BPIFB1: variants seen among roughly 807,000 people sequenced by gnomAD.
BPIFB1 encodes BPI fold-containing family B member 1.
Under a neutral mutation model 55.1 loss-of-function variants are expected in BPIFB1, and 34 were observed. The ratio of observed to expected loss-of-function variants is 0.62; its 90% CI spans 0.47 to 0.82. BPIFB1 has a LOEUF of 0.82. BPIFB1 is among the 40% of genes least tolerant of loss of function. The pLI is 0.00. For missense variants in BPIFB1, 532 were observed against 593.1 expected (o/e 0.90, Z 1.07); for synonymous variants, 236 against 245.3 (o/e 0.96, Z 0.35).
chr20:33,285,541 G>A (rs1030636757), intron 1 of BPIFB1, among the ~76,000 whole-genome samples: 8 of 150,856 alleles, frequency 5.3e-5, no homozygotes, highest in Non-Finnish European at 1.2e-4. Flanking sequence ...GTGAAACCCC[G>A]TCTCTACTAA....
At chr20:33,308,920 G>A (rs539648122) in intron 15 of BPIFB1, among the ~76,000 whole-genome samples, 25 of 145,632 alleles carry the variant, frequency 1.7e-4, no homozygotes, top group South Asian at 1.1e-3. Flanking sequence ...ACACAGAGAC[G>A]CACACATACA....
At chr20:33,301,630 T>A (rs1980855766) in intron 9 of BPIFB1, among the ~76,000 whole-genome samples, 1 of 152,226 alleles carries the variant, frequency 6.6e-6, no homozygotes, top group Non-Finnish European at 1.5e-5. Context: ...TGGAATCTGA[T>A]GCAAATGTTT....
intron 2 of BPIFB1, among the ~76,000 whole-genome samples, chr20:33,286,534 C>A (rs1310753673): frequency 6.6e-6 from 1 of 152,210 alleles, no homozygotes; most frequent in African/African-American, 2.4e-5. Flanking sequence ...ACCCAGTGTG[C>A]TCCTCCTCCC....
intron 3 of BPIFB1, 55 bp downstream of exon 3, chr20:33,288,937 G>A: frequency 6.4e-7 from 1 of 1,560,028 alleles, no homozygotes; most frequent in Non-Finnish European, 8.7e-7. Context: ...CTTTGCCCGG[G>A]ACACGCTCTG....
intron 4 of BPIFB1, among the ~76,000 whole-genome samples, chr20:33,290,490 A>G (rs984287927): frequency 3.9e-5 from 6 of 151,942 alleles, no homozygotes; most frequent in African/African-American, 1.5e-4. Context: ...TGGATTCTGG[A>G]TATGTTTTGG....
chr20:33,295,167 A>T lies in BPIFB1; in HGVS notation c.598-2358A>T, dbSNP rs1400999238. Reference sequence around the variant, plus strand: ...GAGGCGGAGGTTGCAGTGAGCTGAGATAACGCCACTGCACTCCAGCCTGGG... The same window carrying T: ...GAGGCGGAGGTTGCAGTGAGCTGAGTTAACGCCACTGCACTCCAGCCTGGG... On this transcript the variant is annotated intron_variant, in intron 6 of 15. Coordinates refer to ENST00000253354, the MANE Select transcript of BPIFB1 (RefSeq NM_033197.3). Among the ~76,000 whole-genome samples, 3 of 152,236 alleles carry T rather than the reference A, an allele frequency of 2.0e-5. No individual in the cohort carries two copies. In the East Asian group the frequency reaches 5.8e-4, roughly 29 times the overall value.
intron 4 of BPIFB1, 61 bp from the exon 5 acceptor site, chr20:33,290,896 C>T: frequency 2.5e-6 from 4 of 1,577,270 alleles, no homozygotes; most frequent in Non-Finnish European, 3.5e-6. Flanking sequence ...AGACGGACGG[C>T]AGGGTTGCTC....
chr20:33,299,975 C>T lies in BPIFB1; in HGVS notation c.738C>T (p.Leu246=). 2.5e-6 allele frequency: 4 copies of T among 1,614,092 alleles called. No individual in the cohort carries two copies. Among genetic ancestry groups the T allele is most frequent in the Non-Finnish European group, 3.4e-6 (4 of 1,179,952 alleles). ...YPAIKGDTIQ[L]YLGAKLLDSQ... ...CCATCAAGGGTGACACCATTCAGCT[C>T]TACCTGGGGGTGAGTGTCCCAGGAC... The change falls in exon 8 of 16, where the codon CTC becomes CTT. Residue 246 remains leucine, a synonymous_variant. Coordinates refer to ENST00000253354, the MANE Select transcript of BPIFB1 (RefSeq NM_033197.3).
At chr20:33,284,515 A>G (rs1252078570) in intron 1 of BPIFB1, among the ~76,000 whole-genome samples, 1 of 152,174 alleles carries the variant, frequency 6.6e-6, no homozygotes, top group Non-Finnish European at 1.5e-5. Flanking sequence ...CAGCTTGGTC[A>G]GGGAAGCAGA....
At chr20:33,296,414 A>C (rs138750244) in intron 6 of BPIFB1, among the ~76,000 whole-genome samples, 1 of 152,302 alleles carries the variant, frequency 6.6e-6, no homozygotes, top group African/African-American at 2.4e-5. Context: ...AAGAGTATTA[A>C]GGGGTGGTCA....
At chr20:33,293,983 A>G (rs1347027648) in intron 6 of BPIFB1, among the ~76,000 whole-genome samples, 2 of 152,238 alleles carry the variant, frequency 1.3e-5, no homozygotes, top group Non-Finnish European at 2.9e-5. Flanking sequence ...AAAACATTTA[A>G]TCTCCATTTT....
intron 13 of BPIFB1, among the ~76,000 whole-genome samples, chr20:33,305,538 C>T (rs991606136): frequency 5.9e-5 from 9 of 151,942 alleles, no homozygotes; most frequent in Non-Finnish European, 1.0e-4. Flanking sequence ...AAGATGGTCT[C>T]GATCTCCTGA....
At position 33,305,876 on chromosome 20, in the gene BPIFB1, G is replaced by A. The variant is rs1981008288; in HGVS notation, c.1255-126G>A. 4.7e-6 allele frequency: 5 copies of A among 1,063,910 alleles called. No individual in the cohort carries two copies. In the South Asian group the frequency reaches 5.4e-5, roughly 11 times the overall value. The allele number at this position is 1,063,910 out of a possible 1,614,324, so 65.9% of individuals were successfully genotyped here. A position where few individuals can be genotyped will look rare whatever the true frequency, so the allele number is the denominator to read the frequency against. ...AGCCCCCACAGCTCTGATCAGCAGG[G>A]GACCTGGAATTCCTACATCTCCACC... On this transcript the variant is annotated intron_variant, in intron 13 of 15. Transcript: ENST00000253354.
intron 15 of BPIFB1, chr20:33,307,293 G>T: frequency 6.2e-6 from 2 of 323,658 alleles, no homozygotes; most frequent in East Asian, 6.1e-5. Context: ...GCTTCTGAGT[G>T]CTTGAGGCCA....
Position 33,297,578 on chromosome 20 carries a change from G to C in BPIFB1, c.651G>C (p.Gln217His). 6.2e-7 allele frequency: 1 copy of C among 1,614,182 alleles called. No homozygotes were observed. Residue 217 changes from glutamine to histidine, a missense_variant, in exon 7 of 16, where the codon CAG becomes CAC. Transcript: ENST00000253354. ...SFNGMYADLL[Q>H]LVKVPISLSI... The stretch of plus-strand genomic sequence containing the variant: ...ATGGCATGTATGCAGACCTCCTGCA[G>C]CTGGTGAAGGGTAGGTGCTCTGCTC...
chr20:33,302,132 C>G (rs75450090), intron 9 of BPIFB1, among the ~76,000 whole-genome samples: 1 of 152,136 alleles, frequency 6.6e-6, no homozygotes, highest in African/African-American at 2.4e-5. Flanking sequence ...CCCCCAGACC[C>G]ACAACCATCA....
intron 7 of BPIFB1, 105 bp downstream of exon 7, chr20:33,297,693 A>G: frequency 1.5e-5 from 17 of 1,161,598 alleles, no homozygotes; most frequent in African/African-American, 3.0e-5. Context: ...CTGAGCTGCA[A>G]CTCAGGCCCA....
chr20:33,283,834 G>A (rs906765711), intron 1 of BPIFB1, among the ~76,000 whole-genome samples: 2 of 152,040 alleles, frequency 1.3e-5, no homozygotes, highest in African/African-American at 2.4e-5. Context: ...GGGGAGGAGA[G>A]TCTTTTCCAC....
chr20:33,285,172 T>C (rs1337097761), intron 1 of BPIFB1, among the ~76,000 whole-genome samples: 1 of 151,918 alleles, frequency 6.6e-6, no homozygotes, highest in Non-Finnish European at 1.5e-5. Flanking sequence ...CAGGGAGATA[T>C]GGGAGGAGAA....
Sources: allele counts gnomAD v4.1 joint callset (sites outside exome capture counted in the v4.1 genomes callset), GRCh38; gene constraint gnomAD v4.1.1; transcripts MANE v1.5; gene names NCBI Gene and HGNC (gene_info 2026-07-23, HGNC 2026-07-21).